The following ENTHD1 variants were observed in gnomAD, a reference collection of about 807,000 sequenced individuals.
ENTHD1 encodes the protein ENTH domain-containing protein 1.
A neutral mutation model predicts 39.1 loss-of-function variants in ENTHD1; 23 were observed. The ratio of observed to expected loss-of-function variants is 0.59; its 90% CI spans 0.42 to 0.83. The LOEUF (loss-of-function observed/expected upper bound fraction) is 0.83, where lower values mean the gene tolerates loss of function less well. ENTHD1 is among the 40% of genes least tolerant of loss of function. The pLI is 0.00. For synonymous variants in ENTHD1, 230 were observed against 258.2 expected, an observed-to-expected ratio of 0.89 and a Z score of 1.05; for missense variants, 624 against 705.4, an observed-to-expected ratio of 0.88 and a Z score of 1.31.
intron 3 of ENTHD1, among the ~76,000 whole-genome samples, chr22:39,844,546 T>C (rs2065971737): frequency 6.6e-6 from 1 of 152,150 alleles, no homozygotes. Context: ...AGAATTCCCA[T>C]CACCCAGTAC....
chr22:39,886,565 A>C (rs778770044), intron 2 of ENTHD1, among the ~76,000 whole-genome samples: 2 of 152,174 alleles, frequency 1.3e-5, no homozygotes, highest in Non-Finnish European at 2.9e-5. Context: ...TGCCCTTAAA[A>C]AAAGGTCTAT....
intron 6 of ENTHD1, among the ~76,000 whole-genome samples, chr22:39,748,795 G>A (rs902505980): frequency 6.6e-6 from 1 of 152,072 alleles, no homozygotes; most frequent in African/African-American, 2.4e-5. Flanking sequence ...TAAAAAACCT[G>A]GTATTTAAAT....
At position 39,796,817 on chromosome 22, in the gene ENTHD1, A is replaced by G. The variant is rs139143915; in HGVS notation, c.832+24176T>C. 3.4e-4 allele frequency among the ~76,000 whole-genome samples: 52 copies of G among 152,342 alleles called. No individual in the cohort carries two copies. In the East Asian group the frequency reaches 8.1e-3, roughly 24 times the overall value. The stretch of plus-strand genomic sequence containing the variant: ...TTATCTGTTCTAAAGAATGTTCCAC[A>G]TGCTGATGAGAAGACTGTGTTCTGC... On this transcript the variant is annotated intron_variant, in intron 5 of 6. Transcript: ENST00000325157.
intron 5 of ENTHD1, among the ~76,000 whole-genome samples, chr22:39,796,433 A>G (rs1291653467): frequency 6.6e-6 from 1 of 151,608 alleles, no homozygotes; most frequent in East Asian, 1.9e-4. Context: ...CTAATTTTTA[A>G]ATTTTTTTGT....
At chr22:39,798,915 T>A (rs1432515816) in intron 5 of ENTHD1, among the ~76,000 whole-genome samples, 1 of 152,182 alleles carries the variant, frequency 6.6e-6, no homozygotes, top group Non-Finnish European at 1.5e-5. Flanking sequence ...AGGTGGCATG[T>A]GCTGGCTGTG....
At position 39,770,955 on chromosome 22, in the gene ENTHD1, A is replaced by G. The variant is rs897217011; in HGVS notation, c.833-5346T>C. Among the ~76,000 whole-genome samples the G allele has an allele frequency of 2.6e-5, 4 of 152,322 alleles. No individual in the cohort carries two copies. The South Asian group carries it at 8.3e-4, about 32-fold the overall frequency. On this transcript the variant is annotated intron_variant, in intron 5 of 6. Coordinates refer to ENST00000325157, the MANE Select transcript of ENTHD1 (RefSeq NM_152512.4). ...CTACCAGCTGATCATCCCTAATCTG[A>G]AAATCCCAAATCTGAAATGCTCCAA...
chr22:39,807,888 CGTGTGTGTGTGT>C (rs375190088), intron 5 of ENTHD1, among the ~76,000 whole-genome samples: 16 of 145,918 alleles, frequency 1.1e-4, no homozygotes, highest in African/African-American at 1.5e-4. Context: ...TATATACGTA[CGTGTGTGTGTGT>C]GTGTGTGTGT....
At chr22:39,770,575 C>T (rs750334260) in intron 5 of ENTHD1, among the ~76,000 whole-genome samples, 3 of 152,160 alleles carry the variant, frequency 2.0e-5, no homozygotes, top group Admixed American at 1.3e-4. Flanking sequence ...CTTATCCCTG[C>T]AGTTGCTACC....
At chr22:39,833,961 AAAATT>A (rs2065889962) in intron 4 of ENTHD1, among the ~76,000 whole-genome samples, 1 of 147,944 alleles carries the variant, frequency 6.8e-6, no homozygotes, top group Admixed American at 6.7e-5. Context: ...AAAAAAAAAA[AAAATT>A]AAAAGCCCTT....
chr22:39,889,459 G>A (rs985072363), intron 1 of ENTHD1, among the ~76,000 whole-genome samples: 1 of 152,194 alleles, frequency 6.6e-6, no homozygotes, highest in Non-Finnish European at 1.5e-5. Context: ...ACTGCTGGCT[G>A]CCAAGACAGT....
intron 6 of ENTHD1, among the ~76,000 whole-genome samples, chr22:39,756,289 C>A (rs1319536737): frequency 9.8e-6 from 1 of 102,310 alleles, no homozygotes; most frequent in African/African-American, 3.3e-5. Context: ...ATGTCTCTGT[C>A]TCTCTCTCTC....
chr22:39,887,435 T>A lies in ENTHD1; in HGVS notation c.314A>T (p.Asp105Val), dbSNP rs764959975. Reference sequence around the variant, plus strand: ...TCCAGCTTCATCTATGTGCTGAAAATCTTTTAGTGTTTGAAGGTTACAGAA... The same window carrying A: ...TCCAGCTTCATCTATGTGCTGAAAAACTTTTAGTGTTTGAAGGTTACAGAA... ...EGFCNLQTLKDFQHIDEAGKD... is the reference protein window; with the variant it reads ...EGFCNLQTLKVFQHIDEAGKD... Residue 105 changes from aspartate (D) to valine (V), a missense_variant, in exon 2 of 7, where the codon GAT becomes GTT. By Grantham distance (152) the Asp-to-Val change is radical (BLOSUM62 -3). Transcript: ENST00000325157. 1.9e-6 allele frequency: 3 copies of A among 1,612,012 alleles called. No homozygotes were observed. Among genetic ancestry groups the A allele is most frequent in the Non-Finnish European group, 1.7e-6 (2 of 1,179,282 alleles).
chr22:39,756,351 T>C (rs2065186052), intron 6 of ENTHD1, among the ~76,000 whole-genome samples: 1 of 151,134 alleles, frequency 6.6e-6, no homozygotes. Context: ...CACACACTTT[T>C]TCAGAGAGAG....
At chr22:39,890,690 T>A (rs2066419832) in intron 1 of ENTHD1, among the ~76,000 whole-genome samples, 1 of 152,252 alleles carries the variant, frequency 6.6e-6, no homozygotes, top group Admixed American at 6.5e-5. Flanking sequence ...AATAGCCTTC[T>A]AATCCAATAG....
intron 5 of ENTHD1, among the ~76,000 whole-genome samples, chr22:39,778,454 C>T (rs914352995): frequency 1.3e-5 from 2 of 152,184 alleles, no homozygotes; most frequent in African/African-American, 4.8e-5. Flanking sequence ...CACTTTTAAA[C>T]TTCGACACAG....
intron 2 of ENTHD1, among the ~76,000 whole-genome samples, chr22:39,882,613 G>A (rs1464714533): frequency 3.9e-5 from 6 of 152,178 alleles, no homozygotes; most frequent in Non-Finnish European, 7.3e-5. Context: ...GTAACAAATT[G>A]TTGTGCATGC....
At chr22:39,799,798 C>T (rs891919211) in intron 5 of ENTHD1, among the ~76,000 whole-genome samples, 2 of 152,316 alleles carry the variant, frequency 1.3e-5, no homozygotes, top group Admixed American at 6.5e-5. Flanking sequence ...GGGCAGCATT[C>T]GGTTGTCTCC....
chr22:39,816,988 T>C (rs2065738984), intron 5 of ENTHD1, among the ~76,000 whole-genome samples: 1 of 151,884 alleles, frequency 6.6e-6, no homozygotes, highest in Admixed American at 6.6e-5. Flanking sequence ...AAATAAAAAA[T>C]AGGTTAAAAA....
chr22:39,769,036 A>T (rs2065301215), intron 5 of ENTHD1, among the ~76,000 whole-genome samples: 1 of 151,926 alleles, frequency 6.6e-6, no homozygotes, highest in African/African-American at 2.4e-5. Flanking sequence ...ACTTGTGTAT[A>T]TGTACATATA....
Sources: allele counts gnomAD v4.1 joint callset (sites outside exome capture counted in the v4.1 genomes callset), GRCh38; gene constraint gnomAD v4.1.1; transcripts MANE v1.5; gene names NCBI Gene and HGNC (gene_info 2026-07-23, HGNC 2026-07-21).